The following AIG1 variants were observed in gnomAD, a reference collection of about 807,000 sequenced individuals.
AIG1 encodes the protein androgen induced 1, also known as androgen-induced gene 1 protein.
A neutral mutation model predicts 31.4 loss-of-function variants in AIG1; 23 were observed. That is an observed-to-expected ratio of 0.73 (90% CI 0.53 to 1.04). The LOEUF (loss-of-function observed/expected upper bound fraction) is 1.04. AIG1 is among the 50% of genes least tolerant of loss of function. The pLI, the probability that AIG1 is intolerant of heterozygous loss-of-function variation, is 0.00. For missense variants in AIG1, 274 were observed against 295.0 expected (o/e 0.93, Z 0.52); for synonymous variants, 100 against 110.5 (o/e 0.90, Z 0.60).
intron 1 of AIG1, among the ~76,000 whole-genome samples, chr6:143,063,170 G>A (rs1400325923): frequency 6.6e-6 from 1 of 152,226 alleles, no homozygotes; most frequent in East Asian, 1.9e-4. Context: ...AGTAGAGTCA[G>A]CTTGATATGC....
At chr6:143,188,564 A>C in intron 3 of AIG1, 1 of 985,394 alleles carries the variant, frequency 1.0e-6, no homozygotes, top group Non-Finnish European at 1.2e-6. Flanking sequence ...TCAAGGTGGG[A>C]CAGCAGAAGA....
At chr6:143,123,679 T>C (rs1310759491) in intron 1 of AIG1, among the ~76,000 whole-genome samples, 2 of 152,214 alleles carry the variant, frequency 1.3e-5, no homozygotes, top group Non-Finnish European at 2.9e-5. Context: ...TATTTATCTA[T>C]GGTTGAGTCT....
At chr6:143,097,195 G>C (rs1442201360) in intron 1 of AIG1, among the ~76,000 whole-genome samples, 2 of 151,630 alleles carry the variant, frequency 1.3e-5, no homozygotes, top group Non-Finnish European at 2.9e-5. Context: ...CTATCAGATA[G>C]AATCTCCCTT....
chr6:143,225,837 A>C (rs769638319), intron 3 of AIG1, among the ~76,000 whole-genome samples: 19 of 152,178 alleles, frequency 1.2e-4, no homozygotes, highest in Non-Finnish European at 2.1e-4. Flanking sequence ...TTCTGTTTCA[A>C]TTTTAGAGGC....
rs1319277939 is a variant in AIG1 at position 143,339,810 on chromosome 6, C to T, written c.*134C>T. ...CACCCCCCTCCCCCAATGAGGACAC[C>T]TTTTATATATAAATATGTATAAACA... is the stretch of plus-strand genomic sequence containing the variant. On this transcript the variant is annotated 3_prime_UTR_variant, in exon 6 of 6. Transcript: ENST00000357847. 4 of 720,286 alleles carry T rather than the reference C, an allele frequency of 5.6e-6. No individual in the cohort carries two copies. In the African/African-American group the frequency reaches 7.3e-5, roughly 13 times the overall value. The allele number at this position is 720,286 out of a possible 1,614,324, so 44.6% of individuals were successfully genotyped here. A position where few individuals can be genotyped will look rare whatever the true frequency, so the allele number is the denominator to read the frequency against.
At chr6:143,277,366 G>A (rs764075612) in intron 3 of AIG1, among the ~76,000 whole-genome samples, 15 of 152,218 alleles carry the variant, frequency 9.9e-5, no homozygotes, top group Middle Eastern at 3.4e-3. Context: ...GAACCCTTCC[G>A]TATCCCATCT....
At chr6:143,171,512 T>A (rs1161480142) in intron 3 of AIG1, among the ~76,000 whole-genome samples, 1 of 128,492 alleles carries the variant, frequency 7.8e-6, no homozygotes, top group Non-Finnish European at 1.6e-5. Flanking sequence ...ATTTAATATA[T>A]ATAATATATA....
intron 2 of AIG1, among the ~76,000 whole-genome samples, chr6:143,145,594 T>C (rs1784636160): frequency 1.3e-5 from 2 of 152,248 alleles, no homozygotes; most frequent in Admixed American, 6.5e-5. Flanking sequence ...AACCATCACA[T>C]AGCTAGAACC....
intron 1 of AIG1, 188 bp downstream of exon 1, chr6:143,061,254 T>A: frequency 1.3e-6 from 1 of 753,128 alleles, no homozygotes; most frequent in Admixed American, 2.0e-5. Context: ...CAGCGGCACC[T>A]TCTGAACCAC....
intron 3 of AIG1, among the ~76,000 whole-genome samples, chr6:143,269,938 A>C (rs1796395193): frequency 6.6e-6 from 1 of 152,162 alleles, no homozygotes; most frequent in South Asian, 2.1e-4. Flanking sequence ...ATTTTTCTGG[A>C]CACTCACTAT....
intron 1 of AIG1, among the ~76,000 whole-genome samples, chr6:143,103,652 C>T (rs1324670581): frequency 5.3e-5 from 8 of 150,362 alleles, no homozygotes; most frequent in South Asian, 2.1e-4. Flanking sequence ...GGACTACAGG[C>T]GCCCGCCACT....
intron 3 of AIG1, among the ~76,000 whole-genome samples, chr6:143,183,196 CTTT>C (rs35379724): frequency 1.5e-5 from 2 of 132,864 alleles, no homozygotes; most frequent in Non-Finnish European, 1.6e-5. Context: ...CGGACAATGG[CTTT>C]TTTTTTTTTT....
intron 1 of AIG1, among the ~76,000 whole-genome samples, chr6:143,063,324 A>C (rs1353253066): frequency 6.6e-6 from 1 of 152,228 alleles, no homozygotes; most frequent in Non-Finnish European, 1.5e-5. Context: ...TTAGCTTCAG[A>C]TTGTATAGGA....
At chr6:143,162,973 G>C (rs770914831) in intron 2 of AIG1, among the ~76,000 whole-genome samples, 1 of 152,190 alleles carries the variant, frequency 6.6e-6, no homozygotes, top group Non-Finnish European at 1.5e-5. Flanking sequence ...GCTCAAGGTG[G>C]CTGAAGTAGA....
chr6:143,175,320 T>C (rs1788041928), intron 3 of AIG1, among the ~76,000 whole-genome samples: 1 of 152,228 alleles, frequency 6.6e-6, no homozygotes, highest in Non-Finnish European at 1.5e-5. Flanking sequence ...CCAGATGTTC[T>C]TTGAGCTACT....
At chr6:143,116,829 C>G (rs1781780836) in intron 1 of AIG1, among the ~76,000 whole-genome samples, 1 of 151,668 alleles carries the variant, frequency 6.6e-6, no homozygotes, top group African/African-American at 2.4e-5. Flanking sequence ...GAAAGGCATC[C>G]AGTTTATATA....
At position 143,280,580 on chromosome 6, in the gene AIG1, A is replaced by C. The variant is rs569725425; in HGVS notation, c.400-3530A>C. Among the ~76,000 whole-genome samples the C allele has an allele frequency of 2.6e-4, 40 of 152,340 alleles. No individual in the cohort carries two copies. The highest frequency in any genetic ancestry group is 4.6e-4 in the Admixed American group (7 of 15,300). ...GATCACGTCTTTTGCAGGAGCATGG[A>C]TGGAGATGGAGGCTGTAATCCTTAG... On this transcript the variant is annotated intron_variant, in intron 3 of 5. Transcript: ENST00000357847. This position sits in a 1 kb window ranked among gnomAD's most constrained non-coding sequence, Gnocchi z 4.1.
chr6:143,153,502 C>A (rs755695736), intron 2 of AIG1, among the ~76,000 whole-genome samples: 11 of 152,172 alleles, frequency 7.2e-5, no homozygotes, highest in Non-Finnish European at 1.2e-4. Flanking sequence ...TGCCTGCCAG[C>A]ATGCCTGGCT....
chr6:143,077,503 A>G (rs2128465968), intron 1 of AIG1, among the ~76,000 whole-genome samples: 1 of 152,344 alleles, frequency 6.6e-6, no homozygotes, highest in East Asian at 1.9e-4. Flanking sequence ...TCATCACTTA[A>G]AAGATGTGTC....
Sources: gnomAD v4.1 joint callset for allele counts (sites outside exome capture counted in the v4.1 genomes callset) on GRCh38, gnomAD v4.1.1 for gene constraint, Gnocchi (gnomAD v3.1) non-coding constraint, MANE v1.5 for transcripts, NCBI Gene and HGNC (gene_info 2026-07-23, HGNC 2026-07-21) for gene names.